The following CEP83 variants were observed in gnomAD, a reference collection of about 807,000 sequenced individuals.
CEP83 encodes the protein centrosomal protein of 83 kDa.
CEP83 carries 70 observed loss-of-function variants against 101.9 expected under a neutral mutation model. That is an observed-to-expected ratio of 0.69 (90% CI 0.57 to 0.84). The LOEUF (loss-of-function observed/expected upper bound fraction) is 0.84. Ranked by LOEUF, CEP83 falls within the 40% of genes least tolerant of loss-of-function variation. CEP83 has a pLI of 0.00. For missense variants in CEP83, 715 were observed against 787.2 expected, an observed-to-expected ratio of 0.91 and a Z score of 1.10; for synonymous variants, 264 against 267.9, an observed-to-expected ratio of 0.99 and a Z score of 0.14.
At position 94,406,332 on chromosome 12, in the gene CEP83, A is replaced by G. The variant is rs898444529; in HGVS notation, c.325-3070T>C. Among the ~76,000 whole-genome samples, 5 of 151,094 alleles carry G rather than the reference A, an allele frequency of 3.3e-5. No individual in the cohort carries two copies. The South Asian group carries it at 1.1e-3, about 32-fold the overall frequency. On this transcript the variant is annotated intron_variant, in intron 4 of 16. Coordinates refer to ENST00000397809, the MANE Select transcript of CEP83 (RefSeq NM_016122.3). ...AAGAGTAAAACTCCGTCTCAAAAAC[A>G]AAACAAAACAAAACAAAAACAACAA...
the CEP83 span, among the ~76,000 whole-genome samples, chr12:94,266,138 G>A: frequency 6.6e-6 from 1 of 152,182 alleles, no homozygotes; most frequent in Non-Finnish European, 1.5e-5. Flanking sequence ...TGCTCTGGAT[G>A]GTGGGGACTG....
At chr12:94,355,736 G>T (rs2060437314) in intron 11 of CEP83, among the ~76,000 whole-genome samples, 1 of 152,226 alleles carries the variant, frequency 6.6e-6, no homozygotes, top group Non-Finnish European at 1.5e-5. Context: ...GGAACACCTG[G>T]CCCGCCCAGG....
rs538847921 is a variant in CEP83, at chr12:94,309,885, CT to C, written c.2001+32del. ...CATAAAAACCTACAAAAATGTACGA[CT>C]TTTTTTTTCCCCCTAAAATAAATGC... On this transcript the variant is annotated intron_variant, in intron 16 of 16. Transcript: ENST00000397809. The C allele has an allele frequency of 1.1e-3, 1,386 of 1,308,340 alleles. 13 individuals carry two copies. The East Asian group carries it at 0.02, about 19-fold the overall frequency. 81.0% of individuals were successfully genotyped at this position (1,308,340 alleles called of 1,614,324 possible).
chr12:94,437,602 A>G (rs983481150), intron 1 of CEP83, among the ~76,000 whole-genome samples: 3 of 152,242 alleles, frequency 2.0e-5, no homozygotes, highest in Non-Finnish European at 2.9e-5. Context: ...ACAAAAAATT[A>G]TCAGCCAATA....
At chr12:94,299,661 GC>G in the CEP83 span, among the ~76,000 whole-genome samples, 1 of 152,078 alleles carries the variant, frequency 6.6e-6, no homozygotes, top group African/African-American at 2.4e-5. Flanking sequence ...CTGGGCTCAA[GC>G]AATTCTCCCA....
chr12:94,365,419 C>T (rs1459612309), intron 11 of CEP83, among the ~76,000 whole-genome samples: 1 of 152,180 alleles, frequency 6.6e-6, no homozygotes, highest in Non-Finnish European at 1.5e-5. Context: ...CCTGAAGATA[C>T]ACCTCCAGAA....
intron 2 of CEP83, among the ~76,000 whole-genome samples, chr12:94,434,963 A>G (rs1475833102): frequency 1.3e-5 from 2 of 152,232 alleles, no homozygotes; most frequent in Non-Finnish European, 2.9e-5. Flanking sequence ...AGGGATCCTC[A>G]ACCTGTATAA....
At chr12:94,345,575 C>T (rs1193685925) in intron 11 of CEP83, among the ~76,000 whole-genome samples, 2 of 152,090 alleles carry the variant, frequency 1.3e-5, no homozygotes, top group African/African-American at 4.8e-5. Flanking sequence ...CAAGGCAGGC[C>T]ACACACACTA....
chr12:94,327,184 A>G (rs1001877685), intron 14 of CEP83, among the ~76,000 whole-genome samples: 1 of 152,234 alleles, frequency 6.6e-6, no homozygotes, highest in African/African-American at 2.4e-5. Flanking sequence ...TTAGTGTTAT[A>G]AACAATATGA....
At chr12:94,419,983 G>T (rs887724823) in intron 2 of CEP83, among the ~76,000 whole-genome samples, 1 of 152,078 alleles carries the variant, frequency 6.6e-6, no homozygotes, top group Non-Finnish European at 1.5e-5. Context: ...TAATGAGACC[G>T]AGCACCTTTT....
At chr12:94,352,237 A>C (rs895697967) in intron 11 of CEP83, among the ~76,000 whole-genome samples, 20 of 152,070 alleles carry the variant, frequency 1.3e-4, no homozygotes, top group African/African-American at 4.6e-4. Context: ...TGGCCAACAT[A>C]CTGAAACCCC....
At chr12:94,446,906 C>A (rs1023330644) in intron 1 of CEP83, among the ~76,000 whole-genome samples, 3 of 151,996 alleles carry the variant, frequency 2.0e-5, no homozygotes, top group Non-Finnish European at 4.4e-5. Flanking sequence ...AAGAAACCTG[C>A]AAATGCTGAA....
At chr12:94,347,736 G>A (rs1301006033) in intron 11 of CEP83, among the ~76,000 whole-genome samples, 1 of 152,062 alleles carries the variant, frequency 6.6e-6, no homozygotes, top group Non-Finnish European at 1.5e-5. Context: ...AAAGACATGG[G>A]CTACTGATAC....
In CEP83 at chr12:94,378,962, C is replaced by T; in HGVS notation, c.630G>A (p.Val210=). The T allele has an allele frequency of 6.2e-7, 1 of 1,613,990 alleles. No individual in the cohort carries two copies. The highest frequency in any genetic ancestry group is 1.1e-5 in the South Asian group (1 of 91,078). The stretch of plus-strand genomic sequence containing the variant: ...AGACTTTTTCTCGAGCAAGTTGTTC[C>T]ACTCGTTTGCTGTCTTTTGTGAGAT... ...NVDLTKDSKR[V]EQLAREKVYL... The change falls in exon 7 of 17, where the codon GTG becomes GTA. Residue 210 remains valine (V), a synonymous_variant. Transcript: ENST00000397809.
the CEP83 span, among the ~76,000 whole-genome samples, chr12:94,292,900 A>G: frequency 2.0e-5 from 3 of 152,236 alleles, no homozygotes; most frequent in Admixed American, 2.0e-4. Flanking sequence ...CAAATAAATT[A>G]TAAGCGTACT....
intron 11 of CEP83, among the ~76,000 whole-genome samples, chr12:94,365,893 C>A (rs866823219): frequency 2.0e-5 from 3 of 151,928 alleles, no homozygotes; most frequent in African/African-American, 7.3e-5. Flanking sequence ...TGAGGCTAAT[C>A]CCTATGAACT....
intron 14 of CEP83, among the ~76,000 whole-genome samples, chr12:94,313,948 T>C (rs937393432): frequency 6.6e-6 from 1 of 152,180 alleles, no homozygotes; most frequent in Admixed American, 6.5e-5. Flanking sequence ...AAGATAAATA[T>C]GGATGCATCT....
At chr12:94,278,767 G>C in the CEP83 span, among the ~76,000 whole-genome samples, 5 of 152,268 alleles carry the variant, frequency 3.3e-5, no homozygotes, top group East Asian at 9.6e-4. Flanking sequence ...GGAGGCTGAG[G>C]TGGGCAGATC....
At chr12:94,415,063 G>T (rs2064167429) in intron 2 of CEP83, among the ~76,000 whole-genome samples, 1 of 152,020 alleles carries the variant, frequency 6.6e-6, no homozygotes, top group South Asian at 2.1e-4. Flanking sequence ...TATTTAAAAA[G>T]TAATTTGTCT....
Sources: gnomAD v4.1 joint callset for allele counts (sites outside exome capture counted in the v4.1 genomes callset) on GRCh38, gnomAD v4.1.1 for gene constraint, MANE v1.5 for transcripts, NCBI Gene and HGNC (gene_info 2026-07-23, HGNC 2026-07-21) for gene names.